Variants in FGGY observed in about 807,000 individuals in gnomAD.
FGGY encodes FGGY carbohydrate kinase domain containing.
A neutral mutation model predicts 71.3 loss-of-function variants in FGGY; 72 were observed. That is an observed-to-expected ratio of 1.01 (90% CI 0.84 to 1.23). FGGY has a LOEUF of 1.23. Among genes scored for constraint, FGGY ranks in the 50% most tolerant of loss-of-function variants. FGGY has a pLI of 0.00. For synonymous variants in FGGY, 251 were observed against 250.3 expected (o/e 1.00, Z -0.02); for missense variants, 668 against 682.3 (o/e 0.98, Z 0.23).
At chr1:59,590,993 C>G (rs2096422388) in intron 8 of FGGY, among the ~76,000 whole-genome samples, 1 of 152,296 alleles carries the variant, frequency 6.6e-6, no homozygotes, top group African/African-American at 2.4e-5. Flanking sequence ...AAGAGGAAGT[C>G]AAATTGTCCC....
At chr1:59,300,723 T>C (rs2042629983) in intron 1 of FGGY, among the ~76,000 whole-genome samples, 1 of 152,166 alleles carries the variant, frequency 6.6e-6, no homozygotes, top group African/African-American at 2.4e-5. Flanking sequence ...GTTCCAGCAC[T>C]GTTTGCTGAA....
chr1:59,653,986 C>G lies in FGGY; in HGVS notation c.1222-6233C>G, dbSNP rs180673158. On this transcript the variant is annotated intron_variant, in intron 11 of 15. Coordinates refer to ENST00000303721, the MANE Select transcript of FGGY (RefSeq NM_018291.5). ...ATCCAGGATAATCTCCCTATTTTAA[C>G]GTCATCTGGCTATTAAATAATTCTA... Among the ~76,000 whole-genome samples, 131 of 152,296 alleles carry G rather than the reference C, an allele frequency of 8.6e-4. 2 individuals carry two copies. Among genetic ancestry groups the G allele is most frequent in the African/African-American group, 3.0e-3 (125 of 41,554 alleles).
chr1:59,497,947 A>G (rs1000060352), intron 6 of FGGY, among the ~76,000 whole-genome samples: 1 of 152,140 alleles, frequency 6.6e-6, no homozygotes, highest in African/African-American at 2.4e-5. Flanking sequence ...AGGCAGCATA[A>G]TTAGAGGATG....
intron 14 of FGGY, among the ~76,000 whole-genome samples, chr1:59,717,126 C>T (rs2097851080): frequency 6.6e-6 from 1 of 152,110 alleles, no homozygotes; most frequent in South Asian, 2.1e-4. Flanking sequence ...AAAATTGAGG[C>T]TTAGATTATA....
chr1:59,549,945 T>C (rs1269901928), intron 7 of FGGY, among the ~76,000 whole-genome samples: 1 of 152,236 alleles, frequency 6.6e-6, no homozygotes, highest in African/African-American at 2.4e-5. Flanking sequence ...ATATGAACTA[T>C]GTGTGTTACA....
chr1:59,638,198 CT>C (rs2096981240), intron 10 of FGGY, 29 bp from the exon 11 acceptor site: 1 of 1,606,976 alleles, frequency 6.2e-7, no homozygotes, highest in Non-Finnish European at 8.5e-7. Context: ...CCTATCCCCC[CT>C]TTAAAAATAA....
intron 14 of FGGY, among the ~76,000 whole-genome samples, chr1:59,707,756 T>C (rs1253173498): frequency 1.3e-5 from 2 of 152,150 alleles, no homozygotes; most frequent in Non-Finnish European, 1.5e-5. Context: ...TGAATAGAGA[T>C]ACGAGAATCA....
At chr1:59,373,522 C>T (rs961516082) in intron 4 of FGGY, among the ~76,000 whole-genome samples, 5 of 152,038 alleles carry the variant, frequency 3.3e-5, no homozygotes, top group South Asian at 4.1e-4. Flanking sequence ...CATCAAGCTA[C>T]CAATGACTTT....
intron 14 of FGGY, among the ~76,000 whole-genome samples, chr1:59,676,284 C>G (rs1310034540): frequency 6.6e-6 from 1 of 152,044 alleles, no homozygotes; most frequent in Non-Finnish European, 1.5e-5. Context: ...AGGGCAGAAG[C>G]AGAATTGAAA....
chr1:59,414,353 A>G (rs192185393), intron 5 of FGGY, among the ~76,000 whole-genome samples: 27 of 152,262 alleles, frequency 1.8e-4, no homozygotes, highest in African/African-American at 6.3e-4. Flanking sequence ...ATGTGTGTTC[A>G]TTTGGGGTAT....
At chr1:59,598,531 G>C (rs1266199915) in intron 8 of FGGY, among the ~76,000 whole-genome samples, 1 of 152,164 alleles carries the variant, frequency 6.6e-6, no homozygotes, top group Non-Finnish European at 1.5e-5. Context: ...TTTGAGGACT[G>C]TTTGGTAGGG....
chr1:59,636,787 A>G (rs1316318422), intron 10 of FGGY, among the ~76,000 whole-genome samples: 2 of 152,328 alleles, frequency 1.3e-5, no homozygotes, highest in Middle Eastern at 3.4e-3. Context: ...CACTCACCCA[A>G]TCACAAACTA....
chr1:59,479,970 C>A (rs1285793246), intron 6 of FGGY, among the ~76,000 whole-genome samples: 1 of 152,166 alleles, frequency 6.6e-6, no homozygotes, highest in Admixed American at 6.5e-5. Context: ...TAATCTGTTA[C>A]CAAGTGCTGT....
At chr1:59,705,817 C>T (rs915303987) in intron 14 of FGGY, among the ~76,000 whole-genome samples, 1 of 152,192 alleles carries the variant, frequency 6.6e-6, no homozygotes, top group Non-Finnish European at 1.5e-5. Flanking sequence ...TTGCTTTTGC[C>T]TTTTCTGGTT....
At chr1:59,519,933 CAG>C (rs968830030) in intron 7 of FGGY, among the ~76,000 whole-genome samples, 2 of 152,218 alleles carry the variant, frequency 1.3e-5, no homozygotes, top group Admixed American at 6.5e-5. Flanking sequence ...TTTGACCCCT[CAG>C]GGGACATTTG....
At chr1:59,329,312 TAAAA>T (rs34447154) in intron 2 of FGGY, among the ~76,000 whole-genome samples, 1 of 151,940 alleles carries the variant, frequency 6.6e-6, no homozygotes, top group Admixed American at 6.5e-5. Flanking sequence ...GCACTGTATC[TAAAA>T]AAAAGGTACC....
chr1:59,460,379 A>G (rs2092083859), intron 6 of FGGY, among the ~76,000 whole-genome samples: 1 of 152,184 alleles, frequency 6.6e-6, no homozygotes, highest in South Asian at 2.1e-4. Context: ...AGGCTTGAGT[A>G]GGTAAACAGA....
chr1:59,701,322 AG>A (rs1233880818), intron 14 of FGGY, among the ~76,000 whole-genome samples: 7 of 152,158 alleles, frequency 4.6e-5, no homozygotes, highest in African/African-American at 1.7e-4. Context: ...ACTTCACACA[AG>A]TTTGGTGACT....
chr1:59,618,679 A>G (rs181587537), intron 9 of FGGY, among the ~76,000 whole-genome samples: 1 of 152,286 alleles, frequency 6.6e-6, no homozygotes, highest in Non-Finnish European at 1.5e-5. Flanking sequence ...GATGGGCCTA[A>G]GAGCTGACTG....
Sources: allele counts gnomAD v4.1 joint callset (sites outside exome capture counted in the v4.1 genomes callset), GRCh38; gene constraint gnomAD v4.1.1; transcripts MANE v1.5; gene names NCBI Gene and HGNC (gene_info 2026-07-23, HGNC 2026-07-21).